TAFA2: variants seen among roughly 807,000 people sequenced by gnomAD.
The protein encoded by TAFA2 is TAFA chemokine like family member 2, also known as chemokine-like protein TAFA-2.
TAFA2 carries 7 observed loss-of-function variants against 18.8 expected under a neutral mutation model. The ratio of observed to expected loss-of-function variants is 0.37; its 90% confidence interval spans 0.21 to 0.70. The LOEUF is 0.70. Among genes scored for constraint, TAFA2 ranks in the 30% least tolerant of loss-of-function variants. The probability of loss-of-function intolerance (pLI) is 0.53; values close to 1 mark genes in which losing one functional copy is unlikely to be tolerated. For synonymous variants in TAFA2, 60 were observed against 54.2 expected, an observed-to-expected ratio of 1.11 and a Z score of -0.47; for missense variants, 122 against 158.1, an observed-to-expected ratio of 0.77 and a Z score of 1.23.
intron 2 of TAFA2, among the ~76,000 whole-genome samples, chr12:61,795,274 T>A (rs1033833778): frequency 9.9e-5 from 15 of 152,132 alleles, no homozygotes; most frequent in African/African-American, 2.9e-4. Context: ...TAAAGACACA[T>A]GCACACGTAT....
chr12:61,905,921 A>G (rs1331686932), intron 1 of TAFA2, among the ~76,000 whole-genome samples: 3 of 152,188 alleles, frequency 2.0e-5, no homozygotes, highest in African/African-American at 7.2e-5. Flanking sequence ...TACTTTAACA[A>G]TTCATCTGAG....
At chr12:62,204,440 C>T (rs2062683813) in intron 1 of TAFA2, among the ~76,000 whole-genome samples, 2 of 151,266 alleles carry the variant, frequency 1.3e-5, no homozygotes, top group African/African-American at 2.4e-5. Flanking sequence ...GTTTTCCAAT[C>T]CCCTTGTCTC....
At chr12:61,863,976 C>T (rs746799990) in intron 2 of TAFA2, among the ~76,000 whole-genome samples, 6 of 152,220 alleles carry the variant, frequency 3.9e-5, no homozygotes, top group Admixed American at 2.0e-4. Context: ...GCAGACTGGG[C>T]GATTCTCCAG....
intron 1 of TAFA2, among the ~76,000 whole-genome samples, chr12:62,225,286 T>C (rs1565783232): frequency 2.6e-5 from 4 of 152,154 alleles, no homozygotes; most frequent in Non-Finnish European, 5.9e-5. Context: ...CTTTAGCAAA[T>C]GGTGTTGGGA....
At chr12:61,818,508 C>CACACAT (rs1872186405) in intron 2 of TAFA2, among the ~76,000 whole-genome samples, 1 of 151,698 alleles carries the variant, frequency 6.6e-6, no homozygotes, top group Admixed American at 6.6e-5. Flanking sequence ...CACACACACA[C>CACACAT]ACACACACAC....
intron 1 of TAFA2, among the ~76,000 whole-genome samples, chr12:62,122,352 C>T (rs757950706): frequency 2.6e-5 from 4 of 152,112 alleles, no homozygotes; most frequent in Non-Finnish European, 4.4e-5. Flanking sequence ...ATGTTCATAA[C>T]GAAAAGCCTA....
At chr12:61,743,336 T>C (rs1868544023) in intron 4 of TAFA2, among the ~76,000 whole-genome samples, 1 of 152,174 alleles carries the variant, frequency 6.6e-6, no homozygotes, top group South Asian at 2.1e-4. Flanking sequence ...TTCAATGTCA[T>C]CTAGAGTTGA....
At chr12:62,073,419 G>A (rs985485803) in intron 1 of TAFA2, among the ~76,000 whole-genome samples, 1 of 150,464 alleles carries the variant, frequency 6.6e-6, no homozygotes, top group African/African-American at 2.4e-5. Context: ...TTATAGGTAG[G>A]TGTTATTATC....
chr12:62,035,843 G>A (rs867477958), intron 1 of TAFA2, among the ~76,000 whole-genome samples: 1 of 139,748 alleles, frequency 7.2e-6, no homozygotes, highest in African/African-American at 2.7e-5. Context: ...CCGGGTTCAC[G>A]CCATTCTCCT....
At chr12:61,764,337 C>T (rs904528298) in intron 2 of TAFA2, among the ~76,000 whole-genome samples, 26 of 152,114 alleles carry the variant, frequency 1.7e-4, no homozygotes, top group African/African-American at 4.3e-4. Flanking sequence ...AATAGAACAT[C>T]CCCAATTCCC....
intron 1 of TAFA2, among the ~76,000 whole-genome samples, chr12:61,907,940 T>C (rs1876433403): frequency 6.6e-6 from 1 of 152,182 alleles, no homozygotes; most frequent in Non-Finnish European, 1.5e-5. Context: ...TTTTGGCCAT[T>C]TCTGCTATTT....
rs1184916999 is a variant in TAFA2, at chr12:61,815,709, A to G, written c.106+51611T>C. 3.3e-5 allele frequency among the ~76,000 whole-genome samples: 5 copies of G among 151,260 alleles called. 1 individual carries two copies. In the East Asian group the frequency reaches 5.8e-4, roughly 17 times the overall value. ...ATTGAATCTATTTATTGGGGGCTCA[A>G]TATAAAGGTAAGAGTTGGAGACATG... On this transcript the variant is annotated intron_variant, in intron 2 of 4. Transcript: ENST00000416284.
At chr12:61,988,641 C>A (rs143618749) in intron 1 of TAFA2, among the ~76,000 whole-genome samples, 5 of 152,240 alleles carry the variant, frequency 3.3e-5, no homozygotes, top group African/African-American at 1.2e-4. Flanking sequence ...GACTTCTGAT[C>A]AAAGGGACAT....
At chr12:61,771,168 G>GA (rs1315250654) in intron 2 of TAFA2, among the ~76,000 whole-genome samples, 1 of 151,890 alleles carries the variant, frequency 6.6e-6, no homozygotes, top group Non-Finnish European at 1.5e-5. Context: ...CATATAATGA[G>GA]AAAAAAGACT....
intron 1 of TAFA2, among the ~76,000 whole-genome samples, chr12:61,926,225 C>A (rs1877285243): frequency 6.6e-6 from 1 of 152,140 alleles, no homozygotes; most frequent in African/African-American, 2.4e-5. Flanking sequence ...CAACAAAAGC[C>A]CAGGACCAGA....
In TAFA2 at chr12:62,113,127, C is replaced by G. The variant is rs1046437311; in HGVS notation, c.-2+78132G>C. ...TCCTCATCTTGGTGAATTTATATAC[C>G]TTTGTTCTTTGATGTCAGTGATCTT... On this transcript the variant is annotated intron_variant, in intron 1 of 4. Transcript: ENST00000416284. 1.4e-4 allele frequency among the ~76,000 whole-genome samples: 22 copies of G among 152,176 alleles called. No individual in the cohort carries two copies. In the South Asian group the frequency reaches 1.7e-3, roughly 11 times the overall value.
intron 1 of TAFA2, among the ~76,000 whole-genome samples, chr12:62,165,939 T>TCTCTCACA (rs1555195377): frequency 7.2e-6 from 1 of 139,364 alleles, no homozygotes; most frequent in Admixed American, 7.3e-5. Context: ...TCTCTCTCTC[T>TCTCTCACA]CACACACACA....
At chr12:61,795,290 T>C (rs961728952) in intron 2 of TAFA2, among the ~76,000 whole-genome samples, 6 of 152,296 alleles carry the variant, frequency 3.9e-5, no homozygotes, top group Admixed American at 1.3e-4. Flanking sequence ...CGTATGTTTA[T>C]TGCGGCACTA....
At chr12:61,724,631 A>G (rs1185890706) in intron 4 of TAFA2, among the ~76,000 whole-genome samples, 1 of 152,016 alleles carries the variant, frequency 6.6e-6, no homozygotes, top group East Asian at 1.9e-4. Context: ...GTGAGAACAT[A>G]CAATGTTTGG....
Sources: gnomAD v4.1 joint callset for allele counts (sites outside exome capture counted in the v4.1 genomes callset) on GRCh38, gnomAD v4.1.1 for gene constraint, MANE v1.5 for transcripts, NCBI Gene and HGNC (gene_info 2026-07-23, HGNC 2026-07-21) for gene names.